ASCC3: variants seen among roughly 807,000 people sequenced by gnomAD.
ASCC3 encodes ASC-1 complex subunit P200.
ASCC3 carries 158 observed loss-of-function variants against 256.3 expected under a neutral mutation model. That is an observed-to-expected ratio of 0.62 (90% CI 0.54 to 0.70). The LOEUF (loss-of-function observed/expected upper bound fraction) is 0.70. ASCC3 is among the 30% of genes least tolerant of loss of function. The probability of loss-of-function intolerance (pLI) is 0.00; values close to 1 mark genes in which losing one functional copy is unlikely to be tolerated. For missense variants in ASCC3, 2,259 were observed against 2,626.0 expected, an observed-to-expected ratio of 0.86 and a Z score of 3.05; for synonymous variants, 948 against 883.4, an observed-to-expected ratio of 1.07 and a Z score of -1.30.
chr6:100,585,408 C>T (rs920549575), intron 36 of ASCC3, among the ~76,000 whole-genome samples: 7 of 152,150 alleles, frequency 4.6e-5, no homozygotes, highest in Non-Finnish European at 1.0e-4. Flanking sequence ...ACGTAGTTCT[C>T]GAGCCTTGGC....
At chr6:100,639,891 G>A (rs1215983483) in intron 24 of ASCC3, among the ~76,000 whole-genome samples, 1 of 152,114 alleles carries the variant, frequency 6.6e-6, no homozygotes, top group Non-Finnish European at 1.5e-5. Flanking sequence ...GAAGCGGATG[G>A]ATCACCTGAG....
intron 36 of ASCC3, among the ~76,000 whole-genome samples, chr6:100,579,383 C>T (rs1400700014): frequency 1.3e-5 from 2 of 151,908 alleles, no homozygotes; most frequent in Non-Finnish European, 2.9e-5. Flanking sequence ...TTTGTTGCAA[C>T]TGCTTTCGGC....
intron 10 of ASCC3, among the ~76,000 whole-genome samples, chr6:100,736,123 G>A (rs1045898632): frequency 1.4e-4 from 22 of 151,744 alleles, no homozygotes; most frequent in African/African-American, 5.1e-4. Flanking sequence ...CTTCTTGCAG[G>A]TAATAATTAT....
At chr6:100,701,598 TG>T (rs1197297100) in intron 13 of ASCC3, among the ~76,000 whole-genome samples, 13 of 152,140 alleles carry the variant, frequency 8.5e-5, no homozygotes, top group African/African-American at 2.9e-4. Flanking sequence ...GTCAGTACAA[TG>T]GTGAGCAAAA....
At chr6:100,653,430 A>G (rs1775767237) in intron 17 of ASCC3, among the ~76,000 whole-genome samples, 1 of 151,988 alleles carries the variant, frequency 6.6e-6, no homozygotes, top group South Asian at 2.1e-4. Flanking sequence ...ACGAGGTCAG[A>G]AGTTTCAGAG....
intron 36 of ASCC3, among the ~76,000 whole-genome samples, chr6:100,570,241 ACTT>A (rs1390128558): frequency 5.3e-5 from 8 of 151,948 alleles, no homozygotes; most frequent in African/African-American, 1.9e-4. Flanking sequence ...AGATAGTTTG[ACTT>A]CTTCTTTTCC....
At chr6:100,808,787 T>C (rs1013326662) in intron 4 of ASCC3, among the ~76,000 whole-genome samples, 2 of 151,896 alleles carry the variant, frequency 1.3e-5, no homozygotes, top group African/African-American at 4.8e-5. Context: ...GGGAACATCA[T>C]AGAGTGTAAT....
intron 36 of ASCC3, among the ~76,000 whole-genome samples, chr6:100,581,034 A>G (rs1771214389): frequency 6.6e-6 from 1 of 152,150 alleles, no homozygotes; most frequent in African/African-American, 2.4e-5. Flanking sequence ...TAGTGCCGCA[A>G]TAAACATACG....
chr6:100,690,020 C>T (rs542718641), intron 13 of ASCC3, among the ~76,000 whole-genome samples: 13 of 152,110 alleles, frequency 8.5e-5, no homozygotes, highest in Non-Finnish European at 1.3e-4. Context: ...AAGCTACCTA[C>T]ATTAAAAATT....
intron 4 of ASCC3, among the ~76,000 whole-genome samples, chr6:100,825,100 T>C (rs1477043474): frequency 2.0e-5 from 3 of 152,130 alleles, no homozygotes; most frequent in Non-Finnish European, 4.4e-5. Context: ...CAATGAAAAA[T>C]TGAAATACAT....
In ASCC3 at chr6:100,627,690, T is replaced by A; in HGVS notation, c.4542A>T (p.Arg1514=). The change falls in exon 29 of 42, where the codon CGA becomes CGT. Residue 1514 remains arginine (R), a synonymous_variant. Transcript: ENST00000369162. ...NIKQMGLFNF[R]PSVRPVPLEV... The stretch of plus-strand genomic sequence containing the variant: ...CCAGTGGAACTGGGCGTACTGATGG[T>A]CGGAAGTTAAACAAGCCCATCTAGA... 1 of 1,613,596 alleles carries A rather than the reference T, an allele frequency of 6.2e-7. No homozygotes were observed. The highest frequency in any genetic ancestry group is 1.3e-5 in the African/African-American group (1 of 74,998).
At chr6:100,763,317 T>C (rs1781499014) in intron 10 of ASCC3, among the ~76,000 whole-genome samples, 1 of 152,190 alleles carries the variant, frequency 6.6e-6, no homozygotes, top group Admixed American at 6.5e-5. Flanking sequence ...ATTAATAAAC[T>C]ATTTCTGAGG....
chr6:100,634,753 GCA>G (rs1774743200), intron 25 of ASCC3, among the ~76,000 whole-genome samples: 1 of 151,320 alleles, frequency 6.6e-6, no homozygotes, highest in Non-Finnish European at 1.5e-5. Flanking sequence ...CGGGCATGTG[GCA>G]CAAACCTGTA....
chr6:100,554,534 T>A (rs1769472108), intron 36 of ASCC3, among the ~76,000 whole-genome samples: 1 of 152,266 alleles, frequency 6.6e-6, no homozygotes, highest in Admixed American at 6.5e-5. Context: ...ATCTCTGTCA[T>A]GGGAAAAGTA....
intron 4 of ASCC3, among the ~76,000 whole-genome samples, chr6:100,826,567 A>C (rs866097160): frequency 3.3e-5 from 5 of 152,192 alleles, no homozygotes; most frequent in Non-Finnish European, 7.3e-5. Context: ...TAATACTATC[A>C]ATGTTGAATC....
chr6:100,687,034 T>TCTCACACA (rs1459889611), intron 13 of ASCC3, among the ~76,000 whole-genome samples: 9 of 130,674 alleles, frequency 6.9e-5, no homozygotes, highest in African/African-American at 2.6e-4. Flanking sequence ...TCTCTCTCTC[T>TCTCACACA]CACACACACA....
intron 13 of ASCC3, among the ~76,000 whole-genome samples, chr6:100,699,969 A>G (rs190405020): frequency 5.3e-5 from 8 of 152,296 alleles, no homozygotes; most frequent in Non-Finnish European, 8.8e-5. Context: ...AGTTGGGAAA[A>G]TGTGCAACCT....
chr6:100,856,848 G>C (rs535506026), intron 3 of ASCC3: 1 of 152,222 alleles, frequency 6.6e-6, no homozygotes, highest in East Asian at 1.9e-4. Context: ...TTTTAACAAT[G>C]AACTGGGTTG....
At chr6:100,854,516 A>C (rs1381749975) in intron 3 of ASCC3, among the ~76,000 whole-genome samples, 1 of 152,212 alleles carries the variant, frequency 6.6e-6, no homozygotes, top group Non-Finnish European at 1.5e-5. Flanking sequence ...AAATAAAGGA[A>C]AGCAAACAAA....
Sources: gnomAD v4.1 joint callset for allele counts (sites outside exome capture counted in the v4.1 genomes callset) on GRCh38, gnomAD v4.1.1 for gene constraint, MANE v1.5 for transcripts, NCBI Gene and HGNC (gene_info 2026-07-23, HGNC 2026-07-21) for gene names.